Variants in HPSE2 observed in about 807,000 individuals in gnomAD.
HPSE2 encodes heparanase 2 (inactive), also known as inactive heparanase-2.
HPSE2 carries 38 observed loss-of-function variants against 60.5 expected under a neutral mutation model. The observed-to-expected ratio is 0.63, with a 90% CI of 0.48 to 0.82. The LOEUF is 0.82. Among genes scored for constraint, HPSE2 ranks in the 40% least tolerant of loss-of-function variants. The pLI is 0.00. For missense variants in HPSE2, 713 were observed against 740.4 expected, an observed-to-expected ratio of 0.96 and a Z score of 0.43; for synonymous variants, 295 against 293.2, an observed-to-expected ratio of 1.01 and a Z score of -0.06.
chr10:98,594,876 C>T (rs1945187144), intron 9 of HPSE2, among the ~76,000 whole-genome samples: 1 of 152,114 alleles, frequency 6.6e-6, no homozygotes, highest in Non-Finnish European at 1.5e-5. Context: ...GAGGAACCTC[C>T]ATACTGTTTT....
chr10:98,517,094 C>T (rs1315471321), intron 9 of HPSE2, among the ~76,000 whole-genome samples: 2 of 150,920 alleles, frequency 1.3e-5, no homozygotes, highest in Non-Finnish European at 2.9e-5. Context: ...TCCCAGGAAC[C>T]TGAGAGAAAG....
intron 9 of HPSE2, among the ~76,000 whole-genome samples, chr10:98,593,190 A>G (rs1202986091): frequency 6.6e-6 from 1 of 152,220 alleles, no homozygotes; most frequent in African/African-American, 2.4e-5. Context: ...ACTAAATGTA[A>G]CATATAATCA....
At chr10:99,147,177 C>T (rs1187527213) in intron 2 of HPSE2, among the ~76,000 whole-genome samples, 1 of 152,188 alleles carries the variant, frequency 6.6e-6, no homozygotes, top group Non-Finnish European at 1.5e-5. Flanking sequence ...CTGGTCAGTG[C>T]TCAAATCCAG....
At chr10:98,816,246 GTTTTTGTTTGTTTTTTGTT>G (rs943012972) in intron 3 of HPSE2, among the ~76,000 whole-genome samples, 69 of 152,022 alleles carry the variant, frequency 4.5e-4, no homozygotes, top group African/African-American at 1.7e-3. Context: ...CAATCTACAG[GTTTTTGTTTGTTTTTTGTT>G]TTTTTGTTTG....
At chr10:98,642,766 CT>C (rs1200319361) in intron 6 of HPSE2, among the ~76,000 whole-genome samples, 1 of 152,172 alleles carries the variant, frequency 6.6e-6, no homozygotes, top group Non-Finnish European at 1.5e-5. Flanking sequence ...TACCTCAGAC[CT>C]TCCCTTACCC....
intron 3 of HPSE2, among the ~76,000 whole-genome samples, chr10:98,984,712 C>G (rs111421195): frequency 6.6e-6 from 1 of 152,086 alleles, no homozygotes; most frequent in Non-Finnish European, 1.5e-5. Context: ...GGAGGAAGTT[C>G]GAACCCATGG....
chr10:99,309,538 A>G, the HPSE2 span, among the ~76,000 whole-genome samples: 3 of 152,228 alleles, frequency 2.0e-5, no homozygotes. Flanking sequence ...CTAAGAGTTC[A>G]TAAAGACACA....
intron 3 of HPSE2, among the ~76,000 whole-genome samples, chr10:98,952,174 G>A (rs936721680): frequency 3.3e-5 from 5 of 152,186 alleles, no homozygotes; most frequent in Non-Finnish European, 7.3e-5. Flanking sequence ...TCTACTGCCA[G>A]AGGTAAACTC....
chr10:98,475,289 T>G (rs1223996715), intron 11 of HPSE2, among the ~76,000 whole-genome samples: 1 of 152,036 alleles, frequency 6.6e-6, no homozygotes, highest in African/African-American at 2.4e-5. Context: ...GGCTAATTTT[T>G]TTTTGTATTT....
chr10:98,601,005 T>C (rs1338740869), intron 9 of HPSE2, among the ~76,000 whole-genome samples: 6 of 148,690 alleles, frequency 4.0e-5, no homozygotes, highest in Non-Finnish European at 8.9e-5. Context: ...TTTAAGTAAC[T>C]GGCTCAGGTA....
chr10:98,896,963 A>G (rs1236804672), intron 3 of HPSE2, among the ~76,000 whole-genome samples: 1 of 152,170 alleles, frequency 6.6e-6, no homozygotes, highest in African/African-American at 2.4e-5. Flanking sequence ...ATGACATTCT[A>G]AAAAAAGAAA....
At chr10:98,903,655 A>C (rs1357925780) in intron 3 of HPSE2, among the ~76,000 whole-genome samples, 1 of 152,080 alleles carries the variant, frequency 6.6e-6, no homozygotes, top group African/African-American at 2.4e-5. Flanking sequence ...TTGTTCTTGG[A>C]CTAAAATAAT....
At chr10:98,960,740 A>ATTTTTTTGTTTT (rs1955650689) in intron 3 of HPSE2, among the ~76,000 whole-genome samples, 2 of 95,918 alleles carry the variant, frequency 2.1e-5, no homozygotes, top group African/African-American at 1.0e-4. Flanking sequence ...TTTTTATTTT[A>ATTTTTTTGTTTT]TTTTTTTTTT....
At chr10:98,739,366 G>C (rs1271924164) in intron 4 of HPSE2, among the ~76,000 whole-genome samples, 1 of 151,406 alleles carries the variant, frequency 6.6e-6, no homozygotes, top group Non-Finnish European at 1.5e-5. Context: ...CAAATACCTA[G>C]TGTAGATGAC....
intron 3 of HPSE2, among the ~76,000 whole-genome samples, chr10:98,874,973 G>A (rs1952835346): frequency 6.6e-6 from 1 of 152,084 alleles, no homozygotes; most frequent in Non-Finnish European, 1.5e-5. Context: ...CTTGATCGTG[G>A]TGGATAAGTT....
At chr10:98,763,642 T>C (rs1256584035) in intron 3 of HPSE2, among the ~76,000 whole-genome samples, 1 of 151,842 alleles carries the variant, frequency 6.6e-6, no homozygotes, top group East Asian at 1.9e-4. Flanking sequence ...GAAAAGAGGG[T>C]TTTTTTCTTA....
chr10:99,182,333 C>A (rs1405622903), intron 2 of HPSE2, among the ~76,000 whole-genome samples: 1 of 152,060 alleles, frequency 6.6e-6, no homozygotes, highest in Non-Finnish European at 1.5e-5. Context: ...TAAAACTGGG[C>A]CCAAAAAAGT....
chr10:98,470,833 C>T (rs895783826), intron 11 of HPSE2, among the ~76,000 whole-genome samples: 2 of 122,368 alleles, frequency 1.6e-5, no homozygotes, highest in Admixed American at 7.6e-5. Context: ...TGGACAGCTA[C>T]GCAGAGAGTT....
rs115258358 is a variant in HPSE2, at chr10:98,549,063, C to T, written c.1321-58867G>A. 9.1e-3 allele frequency among the ~76,000 whole-genome samples: 1,385 copies of T among 152,216 alleles called. 14 individuals carry two copies. Among genetic ancestry groups the T allele is most frequent in the African/African-American group, 0.031 (1,305 of 41,544 alleles). On this transcript the variant is annotated intron_variant, in intron 9 of 11. Coordinates refer to ENST00000370552, the MANE Select transcript of HPSE2 (RefSeq NM_021828.5). ...TGATATGAATATCCTAAAGTACTCA[C>T]GTTAAGGTTCCATTCCAGCAACCTC...
Sources: gnomAD v4.1 joint callset for allele counts (sites outside exome capture counted in the v4.1 genomes callset) on GRCh38, gnomAD v4.1.1 for gene constraint, MANE v1.5 for transcripts, NCBI Gene and HGNC (gene_info 2026-07-23, HGNC 2026-07-21) for gene names.